The following TBC1D5 variants were observed in gnomAD, a reference collection of about 807,000 sequenced individuals.
TBC1D5 encodes the protein TBC1 domain family member 5.
TBC1D5 carries 75 observed loss-of-function variants against 100.3 expected under a neutral mutation model. The observed-to-expected ratio is 0.75, with a 90% CI of 0.62 to 0.91. The LOEUF (loss-of-function observed/expected upper bound fraction) is 0.91. Ranked by LOEUF, TBC1D5 falls within the 40% of genes least tolerant of loss-of-function variation. The pLI, the probability that TBC1D5 is intolerant of heterozygous loss-of-function variation, is 0.00. For missense variants in TBC1D5, 910 were observed against 942.4 expected (o/e 0.97, Z 0.45); for synonymous variants, 323 against 325.6 (o/e 0.99, Z 0.09).
chr3:17,385,596 T>TTTTAAATAAATAAA (rs2093120848), intron 8 of TBC1D5, among the ~76,000 whole-genome samples: 1 of 152,068 alleles, frequency 6.6e-6, no homozygotes, highest in Admixed American at 6.6e-5. Context: ...TGGTCCTAAT[T>TTTTAAATAAATAAA]TTTTAAATAA....
In TBC1D5 at chr3:17,649,098, T is replaced by C. The variant is rs889227898; in HGVS notation, c.-100-25185A>G. On this transcript the variant is annotated intron_variant, in intron 1 of 21. Transcript: ENST00000253692. ...AACCTAAATGCCCATCAGTGACAGA[T>C]TGGATAAAGAAAATATGGTACATAT... Among the ~76,000 whole-genome samples the C allele has an allele frequency of 4.6e-5, 7 of 152,010 alleles. No individual in the cohort carries two copies. In the East Asian group the frequency reaches 9.6e-4, roughly 21 times the overall value.
At chr3:17,225,829 G>A (rs957246158) in intron 17 of TBC1D5, among the ~76,000 whole-genome samples, 1 of 152,096 alleles carries the variant, frequency 6.6e-6, no homozygotes, top group Non-Finnish European at 1.5e-5. Flanking sequence ...GGGCAACAGA[G>A]TGGGACCCTG....
intron 1 of TBC1D5, among the ~76,000 whole-genome samples, chr3:17,725,160 G>C (rs929808696): frequency 6.6e-6 from 1 of 151,966 alleles, no homozygotes; most frequent in Non-Finnish European, 1.5e-5. Flanking sequence ...TTGTGTGCTT[G>C]GTTATAATTT....
intron 21 of TBC1D5, among the ~76,000 whole-genome samples, chr3:17,166,190 T>C (rs765517774): frequency 7.9e-5 from 12 of 150,944 alleles, no homozygotes; most frequent in Non-Finnish European, 1.5e-4. Flanking sequence ...AAAAAGAAGA[T>C]ACAAAGAAAA....
intron 1 of TBC1D5, among the ~76,000 whole-genome samples, chr3:17,702,652 AATG>A (rs2073374062): frequency 6.6e-6 from 1 of 151,348 alleles, no homozygotes; most frequent in Admixed American, 6.6e-5. Flanking sequence ...AACTAAACGA[AATG>A]ATGCATTAAC....
At chr3:17,510,518 T>C (rs1031352444) in intron 2 of TBC1D5, among the ~76,000 whole-genome samples, 3 of 152,054 alleles carry the variant, frequency 2.0e-5, no homozygotes, top group African/African-American at 4.8e-5. Context: ...TATTTGCTTA[T>C]GTGTGCCAAT....
intron 1 of TBC1D5, among the ~76,000 whole-genome samples, chr3:17,635,109 T>C (rs938483264): frequency 2.4e-4 from 36 of 152,236 alleles, no homozygotes; most frequent in African/African-American, 8.0e-4. Context: ...AAGTCAAGGA[T>C]GACTCCACTG....
At chr3:17,338,778 A>G (rs2088367830) in intron 13 of TBC1D5, among the ~76,000 whole-genome samples, 1 of 152,210 alleles carries the variant, frequency 6.6e-6, no homozygotes, top group African/African-American at 2.4e-5. Flanking sequence ...TAATTTATTT[A>G]ATTGCTTTCT....
At chr3:17,308,210 T>C in intron 13 of TBC1D5, 76 bp from the exon 14 acceptor site, 1 of 1,398,564 alleles carries the variant, frequency 7.2e-7, no homozygotes, top group Non-Finnish European at 9.4e-7. Context: ...CAAGTAACTG[T>C]GAAAAACTAT....
chr3:17,264,144 T>C (rs1240152865), intron 15 of TBC1D5, among the ~76,000 whole-genome samples: 2 of 152,120 alleles, frequency 1.3e-5, no homozygotes, highest in Non-Finnish European at 2.9e-5. Flanking sequence ...AAGTCCAAAC[T>C]CATTTTGTTA....
At chr3:17,292,191 C>T (rs1408643877) in intron 14 of TBC1D5, among the ~76,000 whole-genome samples, 190 bp from the exon 15 acceptor site, 6 of 152,186 alleles carry the variant, frequency 3.9e-5, no homozygotes, top group Admixed American at 3.9e-4. Context: ...TTGTTAACTG[C>T]TATCTAATGT....
chr3:17,481,158 C>G (rs763281558), intron 3 of TBC1D5, among the ~76,000 whole-genome samples: 3 of 152,204 alleles, frequency 2.0e-5, no homozygotes, highest in Non-Finnish European at 2.9e-5. Flanking sequence ...ATGGAAGTCA[C>G]GTGCAGTACA....
At chr3:17,428,382 CTTA>C in intron 4 of TBC1D5, 65 bp downstream of exon 4, 1 of 501,620 alleles carries the variant, frequency 2.0e-6, no homozygotes, top group Non-Finnish European at 2.9e-6. Flanking sequence ...TATACATTAT[CTTA>C]TAATATTATA....
chr3:17,581,639 C>G (rs1305081596), intron 2 of TBC1D5, among the ~76,000 whole-genome samples: 1 of 152,180 alleles, frequency 6.6e-6, no homozygotes, highest in Non-Finnish European at 1.5e-5. Flanking sequence ...TACTGTTACT[C>G]AAACCAAAAT....
intron 16 of TBC1D5, among the ~76,000 whole-genome samples, chr3:17,256,960 A>T (rs888661686): frequency 3.3e-5 from 5 of 152,182 alleles, no homozygotes; most frequent in African/African-American, 4.8e-5. Flanking sequence ...GGCCCTAAGC[A>T]AGGGCAAATA....
chr3:17,668,944 G>A (rs568946727), intron 1 of TBC1D5, among the ~76,000 whole-genome samples: 2 of 152,234 alleles, frequency 1.3e-5, no homozygotes, highest in African/African-American at 4.8e-5. Context: ...ACAACCCAGG[G>A]CAAGTAGTTT....
At position 17,526,534 on chromosome 3, in the gene TBC1D5, T is replaced by C. The variant is rs547701799; in HGVS notation, c.-35-17929A>G. ...CACTGGTGATTTAGTCAACATTATC[T>C]AGGCTTAAATTGAGGAACTGTCCTC... is the stretch of plus-strand genomic sequence containing the variant. On this transcript the variant is annotated intron_variant, in intron 2 of 21. Coordinates refer to ENST00000253692, the Ensembl canonical transcript of TBC1D5. Among the ~76,000 whole-genome samples the C allele has an allele frequency of 3.9e-5, 6 of 152,298 alleles. No homozygotes were observed. The South Asian group carries it at 1.2e-3, about 32-fold the overall frequency.
chr3:17,269,803 T>A lies in TBC1D5; in HGVS notation c.1246-11212A>T, dbSNP rs1197351863. On this transcript the variant is annotated intron_variant, in intron 15 of 21. Transcript: ENST00000253692. ...GGACTATGGCCTCCAGCTACATCTA[T>A]GTTGCTGTAAAGGACACAGTTTCAT... Among the ~76,000 whole-genome samples the A allele has an allele frequency of 3.0e-3, 453 of 152,300 alleles. 4 individuals carry two copies. The highest frequency in any genetic ancestry group is 0.01 in the African/African-American group (429 of 41,568).
intron 13 of TBC1D5, among the ~76,000 whole-genome samples, chr3:17,337,841 C>G (rs1049420077): frequency 1.3e-5 from 2 of 152,082 alleles, no homozygotes; most frequent in African/African-American, 4.8e-5. Context: ...ACTGTCTGGC[C>G]TCTACCTAAT....
Sources: gnomAD v4.1 joint callset for allele counts (sites outside exome capture counted in the v4.1 genomes callset) on GRCh38, gnomAD v4.1.1 for gene constraint, MANE v1.5 for transcripts, NCBI Gene and HGNC (gene_info 2026-07-23, HGNC 2026-07-21) for gene names.